THRB: variants seen among roughly 807,000 people sequenced by gnomAD.
THRB encodes the protein thyroid hormone receptor beta.
A neutral mutation model predicts 47.8 loss-of-function variants in THRB; 12 were observed. The ratio of observed to expected loss-of-function variants is 0.25; its 90% confidence interval spans 0.16 to 0.41. The LOEUF (loss-of-function observed/expected upper bound fraction) is 0.41. Ranked by LOEUF, THRB falls within the 10% of genes least tolerant of loss-of-function variation. THRB has a pLI of 1.00. For synonymous variants in THRB, 218 were observed against 212.2 expected (o/e 1.03, Z -0.24); for missense variants, 348 against 589.2 (o/e 0.59, Z 4.24).
At chr3:24,348,030 A>G (rs59080370) in intron 1 of THRB, among the ~76,000 whole-genome samples, 5,085 of 152,278 alleles carry the variant, frequency 0.033, 286 homozygotes, top group African/African-American at 0.12. Context: ...TAAGGGTATT[A>G]TAAGAAAAGA....
At chr3:24,157,200 C>G (rs1159311614) in intron 5 of THRB, among the ~76,000 whole-genome samples, 3 of 152,070 alleles carry the variant, frequency 2.0e-5, no homozygotes, top group African/African-American at 7.2e-5. Flanking sequence ...AGAACATCCA[C>G]TGTTTTCCCA....
At chr3:24,222,565 T>C (rs901743713) in intron 4 of THRB, among the ~76,000 whole-genome samples, 5 of 152,118 alleles carry the variant, frequency 3.3e-5, no homozygotes, top group African/African-American at 1.2e-4. Context: ...CTGTGAGGCA[T>C]GGATCTGTGG....
At chr3:24,164,834 A>G (rs1319420025) in intron 5 of THRB, among the ~76,000 whole-genome samples, 1 of 152,224 alleles carries the variant, frequency 6.6e-6, no homozygotes, top group Non-Finnish European at 1.5e-5. Flanking sequence ...AGATGAAGAA[A>G]AAAAGTGCTT....
At chr3:24,460,394 C>T (rs758951103) in intron 1 of THRB, among the ~76,000 whole-genome samples, 3 of 152,156 alleles carry the variant, frequency 2.0e-5, no homozygotes, top group Admixed American at 6.5e-5. Context: ...TTATCTTTAT[C>T]AGCAATGGGA....
intron 1 of THRB, among the ~76,000 whole-genome samples, chr3:24,373,601 C>T (rs1016275994): frequency 1.3e-5 from 2 of 152,072 alleles, no homozygotes; most frequent in African/African-American, 4.8e-5. Context: ...CTGGGAATAA[C>T]AATAAGCACC....
chr3:24,264,978 G>A (rs1170939101), intron 3 of THRB, among the ~76,000 whole-genome samples: 4 of 152,106 alleles, frequency 2.6e-5, no homozygotes, highest in Non-Finnish European at 5.9e-5. Context: ...GAGTGATAAC[G>A]CATACTATGA....
intron 3 of THRB, among the ~76,000 whole-genome samples, chr3:24,278,602 C>T (rs993397559): frequency 6.6e-6 from 1 of 152,044 alleles, no homozygotes; most frequent in Admixed American, 6.6e-5. Flanking sequence ...ATATCACAAC[C>T]CTCTATTTAA....
At chr3:24,469,045 T>TC (rs2074366012) in intron 1 of THRB, among the ~76,000 whole-genome samples, 1 of 152,014 alleles carries the variant, frequency 6.6e-6, no homozygotes. Context: ...CACAGACACA[T>TC]CCCCATGGCT....
chr3:24,365,628 T>C (rs1467921605), intron 1 of THRB, among the ~76,000 whole-genome samples: 1 of 152,210 alleles, frequency 6.6e-6, no homozygotes, highest in Non-Finnish European at 1.5e-5. Flanking sequence ...AATTGCCATA[T>C]GGATAATCTT....
intron 5 of THRB, among the ~76,000 whole-genome samples, chr3:24,167,588 T>C (rs895863529): frequency 6.6e-6 from 1 of 152,184 alleles, no homozygotes; most frequent in Non-Finnish European, 1.5e-5. Context: ...CCAAGCCTAA[T>C]CTGAAAATTA....
At chr3:24,380,850 C>T (rs1450360097) in intron 1 of THRB, among the ~76,000 whole-genome samples, 1 of 152,174 alleles carries the variant, frequency 6.6e-6, no homozygotes. Context: ...GGCACGGTGG[C>T]TCACGCCTGT....
chr3:24,259,620 C>CTTTTTTTTTTTTTTTTTTTTTTTTTT (rs10671187), intron 3 of THRB, among the ~76,000 whole-genome samples: 1 of 98,256 alleles, frequency 1.0e-5, no homozygotes, highest in Non-Finnish European at 1.9e-5. Flanking sequence ...CTCTGCTTAC[C>CTTTTTTTTTTTTTTTTTTTTTTTTTT]TTTTTTTTTT....
At chr3:24,242,966 T>C (rs1164445396) in intron 3 of THRB, among the ~76,000 whole-genome samples, 2 of 150,358 alleles carry the variant, frequency 1.3e-5, no homozygotes, top group Non-Finnish European at 3.0e-5. Flanking sequence ...ATCTGTGGGG[T>C]TTTGTTTCCT....
intron 4 of THRB, among the ~76,000 whole-genome samples, chr3:24,192,039 T>G (rs2043417996): frequency 6.6e-6 from 1 of 152,170 alleles, no homozygotes; most frequent in African/African-American, 2.4e-5. Context: ...TAAACATAGA[T>G]TCTTCCTTTT....
At chr3:24,241,766 C>T (rs2049534289) in intron 3 of THRB, among the ~76,000 whole-genome samples, 1 of 152,110 alleles carries the variant, frequency 6.6e-6, no homozygotes, top group African/African-American at 2.4e-5. Context: ...AGAATCAGAT[C>T]ACTTGGGAAC....
intron 1 of THRB, among the ~76,000 whole-genome samples, chr3:24,362,962 G>T (rs921532700): frequency 6.6e-6 from 1 of 152,166 alleles, no homozygotes; most frequent in Non-Finnish European, 1.5e-5. Context: ...TATATTGGGT[G>T]CAGCTGGGAC....
chr3:24,232,875 C>T (rs1025669912), intron 3 of THRB, among the ~76,000 whole-genome samples: 1 of 152,104 alleles, frequency 6.6e-6, no homozygotes, highest in African/African-American at 2.4e-5. Flanking sequence ...ATAAACACTG[C>T]GGATGCAGAT....
At chr3:24,444,552 C>T (rs1349802087) in intron 1 of THRB, among the ~76,000 whole-genome samples, 1 of 152,108 alleles carries the variant, frequency 6.6e-6, no homozygotes, top group Non-Finnish European at 1.5e-5. Flanking sequence ...AAGATGCAAA[C>T]TTTTCCAAAA....
intron 3 of THRB, among the ~76,000 whole-genome samples, chr3:24,291,868 T>C (rs1210862474): frequency 1.3e-5 from 2 of 152,192 alleles, no homozygotes; most frequent in Non-Finnish European, 2.9e-5. Flanking sequence ...ATTCTACATC[T>C]TGGAATTTAT....
Sources: allele counts gnomAD v4.1 joint callset (sites outside exome capture counted in the v4.1 genomes callset), GRCh38; gene constraint gnomAD v4.1.1; transcripts MANE v1.5; gene names NCBI Gene and HGNC (gene_info 2026-07-23, HGNC 2026-07-21).